Variants in ADGRL3 observed in about 807,000 individuals in gnomAD.
ADGRL3 encodes adhesion G protein-coupled receptor L3, also known as calcium-independent alpha-latrotoxin receptor 3.
In ADGRL3, 62 loss-of-function variants were observed where a neutral mutation model predicts 153.5. The ratio of observed to expected loss-of-function variants is 0.40; its 90% CI spans 0.33 to 0.50. The LOEUF (loss-of-function observed/expected upper bound fraction) is 0.50, where lower values mean the gene tolerates loss of function less well. Among genes scored for constraint, ADGRL3 ranks in the 20% least tolerant of loss-of-function variants. The pLI, the probability that ADGRL3 is intolerant of heterozygous loss-of-function variation, is 0.47. For synonymous variants in ADGRL3, 710 were observed against 672.5 expected, an observed-to-expected ratio of 1.06 and a Z score of -0.86; for missense variants, 1,641 against 1,859.4, an observed-to-expected ratio of 0.88 and a Z score of 2.16.
intron 1 of ADGRL3, among the ~76,000 whole-genome samples, chr4:61,292,787 G>A (rs1578149292): frequency 1.3e-5 from 2 of 151,982 alleles, no homozygotes; most frequent in Admixed American, 1.3e-4. Flanking sequence ...TGCTTTTTAT[G>A]TTCTTTTTGA....
intron 2 of ADGRL3, among the ~76,000 whole-genome samples, chr4:61,496,308 A>G (rs2098314873): frequency 6.6e-6 from 1 of 152,208 alleles, no homozygotes; most frequent in South Asian, 2.1e-4. Flanking sequence ...ACTGTGGTAT[A>G]ATTATACTGT....
At chr4:62,007,447 CATAT>C (rs539213045) in intron 21 of ADGRL3, among the ~76,000 whole-genome samples, 205 of 125,264 alleles carry the variant, frequency 1.6e-3, no homozygotes, top group Middle Eastern at 8.3e-3. Flanking sequence ...TATACACACA[CATAT>C]ATATACATAT....
intron 8 of ADGRL3, among the ~76,000 whole-genome samples, chr4:61,766,042 A>G (rs981613625): frequency 4.6e-5 from 7 of 152,258 alleles, no homozygotes; most frequent in Non-Finnish European, 8.8e-5. Flanking sequence ...TGGAACTGCC[A>G]TCAATAAATC....
intron 9 of ADGRL3, among the ~76,000 whole-genome samples, chr4:61,837,616 C>A (rs975546911): frequency 2.0e-5 from 3 of 152,038 alleles, no homozygotes; most frequent in Admixed American, 2.0e-4. Context: ...AGTAGTCTCA[C>A]CCTGAAATGG....
chr4:61,225,871 C>T (rs1253543308), intron 1 of ADGRL3, among the ~76,000 whole-genome samples: 1 of 152,140 alleles, frequency 6.6e-6, no homozygotes, highest in Non-Finnish European at 1.5e-5. Flanking sequence ...TGTTTTCTTT[C>T]CTGGCCCATG....
intron 12 of ADGRL3, among the ~76,000 whole-genome samples, chr4:61,910,142 C>T (rs2098715464): frequency 2.0e-5 from 3 of 151,760 alleles, no homozygotes; most frequent in Non-Finnish European, 2.9e-5. Flanking sequence ...AACATAATAA[C>T]AAGAAGATGT....
chr4:61,518,451 T>C (rs371611215), intron 4 of ADGRL3, among the ~76,000 whole-genome samples: 1 of 152,346 alleles, frequency 6.6e-6, no homozygotes, highest in Admixed American at 6.5e-5. Context: ...TAGCTGAGTT[T>C]ATCTTCTAAG....
chr4:61,371,211 G>A (rs2096521165), intron 1 of ADGRL3, among the ~76,000 whole-genome samples: 1 of 151,560 alleles, frequency 6.6e-6, no homozygotes, highest in Admixed American at 6.6e-5. Context: ...CTTTTAATTG[G>A]AGGATTTAGT....
chr4:61,490,962 A>G (rs914608279), intron 2 of ADGRL3, among the ~76,000 whole-genome samples: 2 of 152,298 alleles, frequency 1.3e-5, no homozygotes, highest in South Asian at 2.1e-4. Flanking sequence ...TTTACAAAAC[A>G]TAATATATTT....
In ADGRL3 at chr4:61,291,611, C is replaced by CATATATATATATATAT. The variant is rs1352050467; in HGVS notation, c.-240+89861_-240+89862insTATATATATATATATA. On this transcript the variant is annotated intron_variant, in intron 1 of 26. Coordinates refer to ENST00000683033, the MANE Select transcript of ADGRL3 (RefSeq NM_001387552.1). ...ATATATATATATATATATACACACACATATATATATATATAAAATATTTAT... is the reference window on the plus strand; with the variant it reads ...ATATATATATATATATATACACACACATATATATATATATATATATATATATATATAAAATATTTAT... 1.1e-3 allele frequency among the ~76,000 whole-genome samples: 11 copies of CATATATATATATATAT among 9,650 alleles called. No homozygotes were observed. In the East Asian group the frequency reaches 0.016, roughly 14 times the overall value. The allele number at this position is 9,650 out of a possible 152,430, so 6.3% of individuals were successfully genotyped here.
chr4:61,339,202 G>A (rs1181555362), intron 1 of ADGRL3, among the ~76,000 whole-genome samples: 2 of 151,994 alleles, frequency 1.3e-5, no homozygotes, highest in Admixed American at 6.6e-5. Flanking sequence ...GTCCTATTAG[G>A]TTTATTTTGA....
At chr4:61,904,381 TC>T (rs1410741809) in intron 11 of ADGRL3, among the ~76,000 whole-genome samples, 1 of 152,094 alleles carries the variant, frequency 6.6e-6, no homozygotes, top group Non-Finnish European at 1.5e-5. Context: ...ACTTCTGAGA[TC>T]AAGTGATCTG....
chr4:61,367,411 C>G (rs1335842180), intron 1 of ADGRL3, among the ~76,000 whole-genome samples: 3 of 151,632 alleles, frequency 2.0e-5, no homozygotes, highest in East Asian at 2.0e-4. Context: ...CAACAGTCCC[C>G]AGAGTGTGAT....
chr4:61,591,861 G>A (rs892715624), intron 5 of ADGRL3, among the ~76,000 whole-genome samples: 1 of 151,862 alleles, frequency 6.6e-6, no homozygotes, highest in Non-Finnish European at 1.5e-5. Context: ...AGTATTGCTT[G>A]ATTCCAGGAG....
chr4:61,244,327 T>C (rs555596946), intron 1 of ADGRL3, among the ~76,000 whole-genome samples: 41 of 152,184 alleles, frequency 2.7e-4, no homozygotes, highest in African/African-American at 9.9e-4. Flanking sequence ...GCCCATTTAA[T>C]AGAATATGAA....
intron 21 of ADGRL3, among the ~76,000 whole-genome samples, chr4:62,005,052 G>A (rs2099152983): frequency 6.6e-6 from 1 of 152,146 alleles, no homozygotes. Flanking sequence ...ACTTGCTTCA[G>A]ACAAGTTGAG....
chr4:61,427,492 T>C (rs932530615), intron 2 of ADGRL3: 1 of 153,348 alleles, frequency 6.5e-6, no homozygotes, highest in African/African-American at 2.4e-5. Flanking sequence ...TAGATAGGGG[T>C]TCCCCCATGC....
In ADGRL3 at chr4:61,475,625, ATT is replaced by A. The variant is rs535808690; in HGVS notation, c.-173-21493_-173-21492del. The stretch of plus-strand genomic sequence containing the variant: ...TTAATATTCATAAAATATATCTTAC[ATT>A]TTCTTTGTTTTATCAAACTACTTGC... On this transcript the variant is annotated intron_variant, in intron 2 of 26. Coordinates refer to ENST00000683033, the MANE Select transcript of ADGRL3 (RefSeq NM_001387552.1). Among the ~76,000 whole-genome samples, 21 of 152,100 alleles carry A rather than the reference ATT, an allele frequency of 1.4e-4. No homozygotes were observed. The South Asian group carries it at 4.1e-3, about 30-fold the overall frequency.
chr4:61,888,205 A>G (rs2098550347), intron 9 of ADGRL3, among the ~76,000 whole-genome samples: 1 of 152,220 alleles, frequency 6.6e-6, no homozygotes, highest in Admixed American at 6.5e-5. Flanking sequence ...GAAAATTGCA[A>G]AATTTTAATA....
Sources: gnomAD v4.1 joint callset for allele counts (sites outside exome capture counted in the v4.1 genomes callset) on GRCh38, gnomAD v4.1.1 for gene constraint, MANE v1.5 for transcripts, NCBI Gene and HGNC (gene_info 2026-07-23, HGNC 2026-07-21) for gene names.